The following SNTG1 variants were observed in gnomAD, a reference collection of about 807,000 sequenced individuals.
SNTG1 encodes syntrophin gamma 1.
Under a neutral mutation model 74.7 loss-of-function variants are expected in SNTG1, and 39 were observed. The ratio of observed to expected loss-of-function variants is 0.52; its 90% CI spans 0.40 to 0.68. The LOEUF (loss-of-function observed/expected upper bound fraction) is 0.68. Among genes scored for constraint, SNTG1 ranks in the 30% least tolerant of loss-of-function variants. The pLI is 0.00. For synonymous variants in SNTG1, 254 were observed against 217.1 expected (o/e 1.17, Z -1.49); for missense variants, 685 against 609.5 (o/e 1.12, Z -1.30).
chr8:50,649,854 T>TTATATATA (rs1361597741), intron 13 of SNTG1, among the ~76,000 whole-genome samples: 6 of 151,970 alleles, frequency 3.9e-5, no homozygotes, highest in Non-Finnish European at 7.4e-5. Context: ...GGATAAAATT[T>TTATATATA]TATATTTGGC....
intron 2 of SNTG1, among the ~76,000 whole-genome samples, chr8:50,382,581 G>A (rs1321089028): frequency 6.6e-6 from 1 of 151,924 alleles, no homozygotes; most frequent in Non-Finnish European, 1.5e-5. Flanking sequence ...CCAGATAATG[G>A]GACTGATTGA....
chr8:50,454,829 T>TAAA (rs1158732952), intron 8 of SNTG1, among the ~76,000 whole-genome samples: 56,123 of 94,660 alleles, frequency 0.59, 18,648 homozygotes, highest in Non-Finnish European at 0.73. Flanking sequence ...CAGACAGAGC[T>TAAA]AAAAAAAAAA....
intron 1 of SNTG1, among the ~76,000 whole-genome samples, chr8:49,935,934 G>A (rs2129364663): frequency 6.6e-6 from 1 of 152,268 alleles, no homozygotes; most frequent in South Asian, 2.1e-4. Context: ...CAATATCTGC[G>A]ATCTTCCCTC....
At chr8:50,753,765 G>A (rs561400670) in intron 18 of SNTG1, among the ~76,000 whole-genome samples, 25 of 151,510 alleles carry the variant, frequency 1.7e-4, no homozygotes, top group Admixed American at 4.6e-4. Context: ...TGTAATTCTC[G>A]AATTGATAGG....
At chr8:50,078,072 T>C (rs773127752) in intron 1 of SNTG1, among the ~76,000 whole-genome samples, 34 of 152,190 alleles carry the variant, frequency 2.2e-4, no homozygotes, top group Non-Finnish European at 4.4e-4. Flanking sequence ...GTCATGTTTG[T>C]TGAAAATCAC....
chr8:50,075,151 C>G (rs549987078), intron 1 of SNTG1, among the ~76,000 whole-genome samples: 4 of 152,194 alleles, frequency 2.6e-5, no homozygotes, highest in Admixed American at 2.6e-4. Context: ...TCCGCCTCCC[C>G]CCTGTGGGCT....
At chr8:49,992,948 T>C (rs1813829738) in intron 1 of SNTG1, among the ~76,000 whole-genome samples, 2 of 152,334 alleles carry the variant, frequency 1.3e-5, no homozygotes, top group East Asian at 1.9e-4. Flanking sequence ...AGAGATTAAA[T>C]ACATATAGAT....
At chr8:50,271,875 G>A (rs2087797668) in intron 2 of SNTG1, among the ~76,000 whole-genome samples, 2 of 152,178 alleles carry the variant, frequency 1.3e-5, no homozygotes, top group South Asian at 2.1e-4. Flanking sequence ...GGATTAGGAG[G>A]TGGAGCCTTT....
At chr8:50,211,770 T>A (rs2131914977) in intron 2 of SNTG1, among the ~76,000 whole-genome samples, 1 of 152,264 alleles carries the variant, frequency 6.6e-6, no homozygotes, top group Non-Finnish European at 1.5e-5. Context: ...AAAATCATTT[T>A]GCTTCAGTGA....
intron 1 of SNTG1, among the ~76,000 whole-genome samples, chr8:49,942,038 T>C (rs568521722): frequency 2.0e-5 from 3 of 152,132 alleles, no homozygotes; most frequent in African/African-American, 7.2e-5. Flanking sequence ...GAGATAAATA[T>C]AGCTCAAAAA....
chr8:50,470,193 T>C (rs375269168), intron 8 of SNTG1, among the ~76,000 whole-genome samples: 1 of 152,218 alleles, frequency 6.6e-6, no homozygotes, highest in East Asian at 1.9e-4. Context: ...AAATAGAATG[T>C]TAACAAAGCA....
At chr8:50,682,712 A>G (rs895395794) in intron 15 of SNTG1, among the ~76,000 whole-genome samples, 3 of 151,980 alleles carry the variant, frequency 2.0e-5, no homozygotes, top group African/African-American at 7.3e-5. Context: ...GTAAAATACA[A>G]AGTTCTCAGG....
intron 1 of SNTG1, among the ~76,000 whole-genome samples, chr8:50,144,885 C>T (rs1339863550): frequency 6.6e-6 from 1 of 152,142 alleles, no homozygotes; most frequent in Non-Finnish European, 1.5e-5. Flanking sequence ...ATGAAAACTT[C>T]TAGTAGCATT....
At chr8:50,484,631 A>T (rs1444518185) in intron 8 of SNTG1, among the ~76,000 whole-genome samples, 3 of 151,598 alleles carry the variant, frequency 2.0e-5, no homozygotes, top group African/African-American at 7.3e-5. Flanking sequence ...AGGCCGAGGC[A>T]GGTGGATCAT....
chr8:50,700,117 G>T (rs192627139), intron 15 of SNTG1, among the ~76,000 whole-genome samples: 2 of 152,122 alleles, frequency 1.3e-5, no homozygotes, highest in Admixed American at 6.6e-5. Context: ...GAGAATGAGG[G>T]TGAGAAAGAG....
chr8:50,054,624 T>C (rs1819871080), intron 1 of SNTG1, among the ~76,000 whole-genome samples: 1 of 152,104 alleles, frequency 6.6e-6, no homozygotes, highest in Non-Finnish European at 1.5e-5. Flanking sequence ...ATTTTTAACC[T>C]GGTGATCGAA....
chr8:50,073,406 T>C (rs1821549461), intron 1 of SNTG1, among the ~76,000 whole-genome samples: 1 of 152,226 alleles, frequency 6.6e-6, no homozygotes, highest in Non-Finnish European at 1.5e-5. Flanking sequence ...GTTCTCTTGT[T>C]ATTTCCATCA....
At chr8:50,690,117 C>T (rs1196987068) in intron 15 of SNTG1, among the ~76,000 whole-genome samples, 6 of 151,808 alleles carry the variant, frequency 4.0e-5, no homozygotes, top group Admixed American at 6.6e-5. Context: ...TTTTTTATTG[C>T]GTCTATTTGA....
rs200926789 is a variant in SNTG1, at chr8:50,078,530, AT to A, written c.-102-94024del. ...AATTTTGTTTGCTGTTGTGAATGAG[AT>A]TTTTTTCTTTTTTTACATTTATTTT... On this transcript the variant is annotated intron_variant, in intron 1 of 18. Transcript: ENST00000642720. Among the ~76,000 whole-genome samples, 82 of 151,894 alleles carry A rather than the reference AT, an allele frequency of 5.4e-4. No individual in the cohort carries two copies. In the East Asian group the frequency reaches 0.015, roughly 28 times the overall value.
Sources: allele counts gnomAD v4.1 joint callset (sites outside exome capture counted in the v4.1 genomes callset), GRCh38; gene constraint gnomAD v4.1.1; transcripts MANE v1.5; gene names NCBI Gene and HGNC (gene_info 2026-07-23, HGNC 2026-07-21).